Variants in CPNE9 observed in about 807,000 individuals in gnomAD.
CPNE9 encodes copine-9.
Under a neutral mutation model 83.0 loss-of-function variants are expected in CPNE9, and 59 were observed. The observed-to-expected ratio is 0.71, with a 90% CI of 0.58 to 0.88. The LOEUF is 0.88. Ranked by LOEUF, CPNE9 falls within the 40% of genes least tolerant of loss-of-function variation. The probability of loss-of-function intolerance (pLI) is 0.00; values close to 1 mark genes in which losing one functional copy is unlikely to be tolerated. For missense variants in CPNE9, 619 were observed against 720.8 expected (o/e 0.86, Z 1.62); for synonymous variants, 256 against 273.4 (o/e 0.94, Z 0.63).
intron 17 of CPNE9, 56 bp downstream of exon 17, chr3:9,718,658 C>A: frequency 1.9e-6 from 3 of 1,583,530 alleles, no homozygotes; most frequent in Non-Finnish European, 2.6e-6. Context: ...AAGGGATTGA[C>A]CCCCCAAGGA....
intron 19 of CPNE9, 45 bp downstream of exon 19, chr3:9,726,767 GA>G: frequency 1.3e-6 from 2 of 1,568,082 alleles, no homozygotes; most frequent in Non-Finnish European, 1.8e-6. Context: ...GAACTAAGGA[GA>G]AAAGTGGGAG....
intron 17 of CPNE9, among the ~76,000 whole-genome samples, chr3:9,723,077 T>G (rs1282391314): frequency 1.3e-5 from 2 of 152,202 alleles, no homozygotes; most frequent in Non-Finnish European, 2.9e-5. Flanking sequence ...ACAGTAGGTA[T>G]GCAATTGCTA....
intron 9 of CPNE9, 29 bp from the exon 10 acceptor site, chr3:9,712,946 T>C: frequency 5.0e-6 from 8 of 1,598,328 alleles, no homozygotes; most frequent in Non-Finnish European, 6.0e-6. Flanking sequence ...ACGAGATAAA[T>C]TATACCAATT....
At chr3:9,722,064 C>T (rs1091917) in intron 17 of CPNE9, among the ~76,000 whole-genome samples, 34,433 of 151,768 alleles carry the variant, frequency 0.23, 5,118 homozygotes, top group Non-Finnish European at 0.32. Flanking sequence ...ATTACAGGTG[C>T]GCACCACCAT....
intron 17 of CPNE9, among the ~76,000 whole-genome samples, chr3:9,719,408 T>A (rs2076715397): frequency 6.6e-6 from 1 of 152,126 alleles, no homozygotes; most frequent in Non-Finnish European, 1.5e-5. Context: ...GAGAAGAGCC[T>A]ACAGCACTGT....
rs200234448 is a variant in CPNE9, at chr3:9,704,650, G to C, written c.109+23G>C. The stretch of plus-strand genomic sequence containing the variant: ...CCAGTAGGCGGCTCCAGGACCGGGA[G>C]GGGGAACTTGGGGTCTGGGCGCGAC... On this transcript the variant is annotated intron_variant, in intron 2 of 20. Transcript: ENST00000383832. This position sits in a 1 kb window ranked among gnomAD's most constrained non-coding sequence, Gnocchi z 7.1. 6 of 1,613,436 alleles carry C rather than the reference G, an allele frequency of 3.7e-6. No homozygotes were observed. In the Admixed American group the frequency reaches 5.0e-5, roughly 13 times the overall value.
Position 9,704,160 on chromosome 3 carries a change from G to T in CPNE9, c.68+96G>T. The T allele has an allele frequency of 2.5e-6, 3 of 1,180,846 alleles. No homozygotes were observed. Among genetic ancestry groups the T allele is most frequent in the Non-Finnish European group, 3.6e-6 (3 of 836,864 alleles). The allele number at this position is 1,180,846 out of a possible 1,614,324, so 73.1% of individuals were successfully genotyped here. Reference sequence around the variant, plus strand: ...CCTGGGCAGGGGCTAGACCCCCGGGGAGAGGCGAAATTGGCTGGAAAATCA... The same window carrying T: ...CCTGGGCAGGGGCTAGACCCCCGGGTAGAGGCGAAATTGGCTGGAAAATCA... On this transcript the variant is annotated intron_variant, in intron 1 of 20. Coordinates refer to ENST00000383832, the MANE Select transcript of CPNE9 (RefSeq NM_153635.3). The surrounding 1 kb of genome is among the most constrained non-coding windows in gnomAD (Gnocchi z 7.1).
chr3:9,704,986 C>A lies in CPNE9; in HGVS notation c.252C>A (p.Arg84=), dbSNP rs775419834. ...DYFFEEKQNL[R]FDVYNVDSKT... ...TCTTTGAGGAAAAGCAAAATCTGCGCTTCGATGTGTGAGGCCCCGCCTGGA... is the reference window on the plus strand; with the variant it reads ...TCTTTGAGGAAAAGCAAAATCTGCGATTCGATGTGTGAGGCCCCGCCTGGA... Residue 84 remains arginine (R), a synonymous_variant, in exon 4 of 21, where the codon CGC becomes CGA. Transcript: ENST00000383832. This position sits in a 1 kb window ranked among gnomAD's most constrained non-coding sequence, Gnocchi z 7.1. 1 of 1,609,542 alleles carries A rather than the reference C, an allele frequency of 6.2e-7. No individual in the cohort carries two copies. Among genetic ancestry groups the A allele is most frequent in the South Asian group, 1.1e-5 (1 of 90,362 alleles).
chr3:9,710,525 A>C (rs954005470), intron 7 of CPNE9, among the ~76,000 whole-genome samples: 10 of 152,232 alleles, frequency 6.6e-5, no homozygotes, highest in African/African-American at 2.4e-4. Flanking sequence ...CATCTACCAG[A>C]ACTGGAGAGT....
chr3:9,724,123 CACA>C (rs2076756221), intron 17 of CPNE9, among the ~76,000 whole-genome samples: 1 of 151,810 alleles, frequency 6.6e-6, no homozygotes, highest in Admixed American at 6.6e-5. Flanking sequence ...TTCCAGTCCG[CACA>C]GGACTGGAGA....
At chr3:9,710,022 CAT>C (rs2076611052) in intron 7 of CPNE9, among the ~76,000 whole-genome samples, 1 of 146,692 alleles carries the variant, frequency 6.8e-6, no homozygotes, top group African/African-American at 2.5e-5. Context: ...AAAAATTTAA[CAT>C]GAGATAAATT....
intron 20 of CPNE9, chr3:9,727,388 G>C: frequency 1.4e-6 from 1 of 730,508 alleles, no homozygotes; most frequent in East Asian, 2.7e-5. Flanking sequence ...TGTAGGTCGG[G>C]AGGTCCCCAA....
Position 9,704,812 on chromosome 3 carries a change from C to A in CPNE9, c.156+17C>A. On this transcript the variant is annotated intron_variant, in intron 3 of 20. Coordinates refer to ENST00000383832, the MANE Select transcript of CPNE9 (RefSeq NM_153635.3). The surrounding 1 kb of genome is among the most constrained non-coding windows in gnomAD (Gnocchi z 7.1). ...TGGCGGGAGGTGAGTCCCAGAGCCC[C>A]CTCCCGGCCCAGGGCGTCGCCCGGG... The A allele has an allele frequency of 6.2e-7, 1 of 1,602,460 alleles. No individual in the cohort carries two copies. Among genetic ancestry groups the A allele is most frequent in the Non-Finnish European group, 8.5e-7 (1 of 1,175,028 alleles).
rs1225958469 is a variant in CPNE9, at chr3:9,704,100, G to C, written c.68+36G>C. 1 of 1,583,290 alleles carries C rather than the reference G, an allele frequency of 6.3e-7. No individual in the cohort carries two copies. The highest frequency in any genetic ancestry group is 1.7e-5 in the Admixed American group (1 of 57,836). On this transcript the variant is annotated intron_variant, in intron 1 of 20. Coordinates refer to ENST00000383832, the MANE Select transcript of CPNE9 (RefSeq NM_153635.3). The surrounding 1 kb of genome is among the most constrained non-coding windows in gnomAD (Gnocchi z 7.1). ...CGCGCTGGGGAGGGCTTAGGCACTG[G>C]CACTGCCCCAGCCCCAGCCAGCCGC...
Position 9,703,953 on chromosome 3 carries a change from C to T in CPNE9, c.-44C>T. 6.5e-7 allele frequency: 1 copy of T among 1,544,560 alleles called. No individual in the cohort carries two copies. Among genetic ancestry groups the T allele is most frequent in the Non-Finnish European group, 8.8e-7 (1 of 1,142,566 alleles). On this transcript the variant is annotated 5_prime_UTR_variant, in exon 1 of 21. Coordinates refer to ENST00000383832, the MANE Select transcript of CPNE9 (RefSeq NM_153635.3). Reference sequence around the variant, plus strand: ...CTGCCGTCGCCCCTAGCCCCAGCAGCCCTGGTCTCGCAGCCTCCTGCGGCT... The same window carrying T: ...CTGCCGTCGCCCCTAGCCCCAGCAGTCCTGGTCTCGCAGCCTCCTGCGGCT...
intron 7 of CPNE9, among the ~76,000 whole-genome samples, chr3:9,706,777 G>C (rs2076568593): frequency 6.6e-6 from 1 of 152,202 alleles, no homozygotes; most frequent in Admixed American, 6.5e-5. Flanking sequence ...TAACTTTGGA[G>C]CAACAACCTG....
At chr3:9,709,648 G>A (rs887026502) in intron 7 of CPNE9, among the ~76,000 whole-genome samples, 2 of 151,950 alleles carry the variant, frequency 1.3e-5, no homozygotes, top group South Asian at 2.1e-4. Context: ...GATTACAGAC[G>A]TGAGCTGCCA....
chr3:9,720,131 T>C (rs2076722070), intron 17 of CPNE9, among the ~76,000 whole-genome samples: 1 of 151,758 alleles, frequency 6.6e-6, no homozygotes, highest in African/African-American at 2.4e-5. Flanking sequence ...ATGACAGAAC[T>C]AAAATCAAAC....
intron 17 of CPNE9, among the ~76,000 whole-genome samples, chr3:9,719,570 A>C (rs2076716691): frequency 6.6e-6 from 1 of 152,228 alleles, no homozygotes; most frequent in African/African-American, 2.4e-5. Flanking sequence ...GCTTCCTTAT[A>C]GAGTTATTGC....
Sources: gnomAD v4.1 joint callset for allele counts (sites outside exome capture counted in the v4.1 genomes callset) on GRCh38, gnomAD v4.1.1 for gene constraint, Gnocchi (gnomAD v3.1) non-coding constraint, MANE v1.5 for transcripts, NCBI Gene and HGNC (gene_info 2026-07-23, HGNC 2026-07-21) for gene names.